Variants in FHIP2B observed in about 807,000 individuals in gnomAD.
The protein encoded by FHIP2B is FHF complex subunit HOOK interacting protein 2B, also known as FHF complex subunit HOOK-interacting protein 2B.
Under a neutral mutation model 84.0 loss-of-function variants are expected in FHIP2B, and 72 were observed. That is an observed-to-expected ratio of 0.86 (90% CI 0.71 to 1.04). The LOEUF (loss-of-function observed/expected upper bound fraction) is 1.04. FHIP2B is among the 50% of genes least tolerant of loss of function. FHIP2B has a pLI of 0.00. For missense variants in FHIP2B, 972 were observed against 968.9 expected, an observed-to-expected ratio of 1.00 and a Z score of -0.04; for synonymous variants, 497 against 418.7, an observed-to-expected ratio of 1.19 and a Z score of -2.28.
chr8:22,090,104 C>G lies in FHIP2B; in HGVS notation c.45+806C>G, dbSNP rs1203742808. Among the ~76,000 whole-genome samples, 5 of 126,970 alleles carry G rather than the reference C, an allele frequency of 3.9e-5. No individual in the cohort carries two copies. The East Asian group carries it at 9.0e-4, about 23-fold the overall frequency. The allele number at this position is 126,970 out of a possible 152,430, so 83.3% of individuals were successfully genotyped here. ...AGGCAGCCTACTACTAGGGTTCGTT[C>G]AGCAAGATGTAGCGCTGTGTAGGAA... On this transcript the variant is annotated intron_variant, in intron 1 of 16. Coordinates refer to ENST00000289921, the MANE Select transcript of FHIP2B (RefSeq NM_022749.7).
Position 22,097,799 on chromosome 8 carries a change from A to C in FHIP2B, c.485A>C (p.Lys162Thr), listed in dbSNP as rs1289229439. Reference sequence around the variant, plus strand: ...CAGTTCACCACCGTCCTCTGCTCCAAGATCCAGCAGGACCCAGAGCTGCTC... The same window carrying C: ...CAGTTCACCACCGTCCTCTGCTCCACGATCCAGCAGGACCCAGAGCTGCTC... ...EVQFTTVLCS[K>T]IQQDPELLAY... Residue 162 changes from lysine (K) to threonine (T), a missense_variant, in exon 5 of 17, where the codon AAG (lysine) becomes ACG (threonine). Physicochemically the swap from Lys to Thr is moderately conservative, Grantham distance 78. Transcript: ENST00000289921. 1 of 1,613,558 alleles carries C rather than the reference A, an allele frequency of 6.2e-7. No individual in the cohort carries two copies. The highest frequency in any genetic ancestry group is 8.5e-7 in the Non-Finnish European group (1 of 1,179,826).
chr8:22,096,377 G>A lies in FHIP2B; in HGVS notation c.165G>A (p.Arg55=). The change falls in exon 3 of 17, where the codon CGG becomes CGA. Residue 55 remains arginine (R), a synonymous_variant. Coordinates refer to ENST00000289921, the MANE Select transcript of FHIP2B (RefSeq NM_022749.7). ...CCAAGAAGACAGACATTCCCTGGCG[G>A]CTGAAGCAGATGCTGGATATCCTGG... ...TPAKKTDIPW[R]LKQMLDILVY... 1.3e-6 allele frequency: 2 copies of A among 1,559,928 alleles called. No individual in the cohort carries two copies. Among genetic ancestry groups the A allele is most frequent in the Non-Finnish European group, 1.7e-6 (2 of 1,152,014 alleles).
rs1339343666 is a variant in FHIP2B, at chr8:22,096,388, T to C, written c.176T>C (p.Met59Thr). ...GACATTCCCTGGCGGCTGAAGCAGA[T>C]GCTGGATATCCTGGTGTATGAAGAG... Reference protein sequence around the residue: ...KTDIPWRLKQMLDILVYEEQQ... With the variant: ...KTDIPWRLKQTLDILVYEEQQ... Residue 59 changes from methionine to threonine, a missense_variant, in exon 3 of 17, where the codon ATG becomes ACG. Physicochemically the swap from Met to Thr is moderately conservative, Grantham distance 81. Transcript: ENST00000289921. 1 of 1,559,144 alleles carries C rather than the reference T, an allele frequency of 6.4e-7. No homozygotes were observed.
At position 22,100,973 on chromosome 8, in the gene FHIP2B, G is replaced by T; in HGVS notation, c.1616+1G>T. 1 of 1,613,666 alleles carries T rather than the reference G, an allele frequency of 6.2e-7. No individual in the cohort carries two copies. The highest frequency in any genetic ancestry group is 8.5e-7 in the Non-Finnish European group (1 of 1,179,810). Reference sequence around the variant, plus strand: ...CAGCAGTGACCGAGATCGTCAACAGGTGGGGAGCAAGTTAGGCAGTCTGAA... The same window carrying T: ...CAGCAGTGACCGAGATCGTCAACAGTTGGGGAGCAAGTTAGGCAGTCTGAA... On this transcript the variant is annotated splice_donor_variant, in intron 12 of 16. Coordinates refer to ENST00000289921, the MANE Select transcript of FHIP2B (RefSeq NM_022749.7). LOFTEE classifies it high-confidence loss of function.
intron 2 of FHIP2B, chr8:22,095,974 C>T (rs1825745226): frequency 5.8e-6 from 1 of 173,224 alleles, no homozygotes; most frequent in South Asian, 1.9e-4. Flanking sequence ...GACAAGAGCC[C>T]TGAGCCCACA....
At chr8:22,101,413 G>T (rs375834526) in intron 12 of FHIP2B, 27 bp from the exon 13 acceptor site, 5 of 1,567,006 alleles carry the variant, frequency 3.2e-6, no homozygotes, top group Middle Eastern at 3.4e-4. Flanking sequence ...AGCCGGGAGC[G>T]CCTCCACACC....
intron 1 of FHIP2B, among the ~76,000 whole-genome samples, chr8:22,090,462 G>C (rs1003275625): frequency 2.0e-5 from 3 of 152,054 alleles, no homozygotes; most frequent in Non-Finnish European, 2.9e-5. Context: ...AGGTAGAGAG[G>C]GTTCCAAAAT....
chr8:22,094,839 A>G (rs1166486780), intron 2 of FHIP2B: 1 of 1,191,346 alleles, frequency 8.4e-7, no homozygotes, highest in Admixed American at 4.7e-5. Context: ...CCAGCTCCAG[A>G]CCTTCAGGCC....
intron 8 of FHIP2B, 51 bp from the exon 9 acceptor site, chr8:22,099,233 C>T (rs1179722342): frequency 6.2e-7 from 1 of 1,600,664 alleles, no homozygotes; most frequent in Non-Finnish European, 8.5e-7. Flanking sequence ...GGTTATTTCT[C>T]AGCTGGAATT....
In FHIP2B at chr8:22,089,669, C is replaced by A. The variant is rs1033147822; in HGVS notation, c.45+371C>A. On this transcript the variant is annotated intron_variant, in intron 1 of 16. Coordinates refer to ENST00000289921, the MANE Select transcript of FHIP2B (RefSeq NM_022749.7). Reference sequence around the variant, plus strand: ...GGCCCTAGGCCGCCTCCCCCCAGTCCCGGTGGGCCTGCCTCCTTCCTCCGC... The same window carrying A: ...GGCCCTAGGCCGCCTCCCCCCAGTCACGGTGGGCCTGCCTCCTTCCTCCGC... 1.4e-4 allele frequency: 117 copies of A among 845,106 alleles called. No individual in the cohort carries two copies. The Middle Eastern group carries it at 2.3e-3, about 17-fold the overall frequency. 52.4% of individuals were successfully genotyped at this position (845,106 alleles called of 1,614,324 possible).
At chr8:22,089,388 G>A in intron 1 of FHIP2B, 90 bp downstream of exon 1, 1 of 794,234 alleles carries the variant, frequency 1.3e-6, no homozygotes. Context: ...CCCGCAGGAG[G>A]GCGGGCGGGC....
In FHIP2B at chr8:22,102,595, G is replaced by A. The variant is rs748223061; in HGVS notation, c.2060G>A (p.Arg687His). 25 of 1,563,608 alleles carry A rather than the reference G, an allele frequency of 1.6e-5. No individual in the cohort carries two copies. Among genetic ancestry groups the A allele is most frequent in the South Asian group, 9.4e-5 (8 of 84,916 alleles). Residue 687 changes from arginine to histidine, a missense_variant, in exon 16 of 17, where the codon CGC becomes CAC. By Grantham distance (29) the Arg-to-His change is conservative. Coordinates refer to ENST00000289921, the MANE Select transcript of FHIP2B (RefSeq NM_022749.7). ...TTCCCAGGCAAGCTGCTCCTGGTGC[G>A]CAAGCAGTTGACGGGCCAGGCTCCT... Reference protein sequence around the residue: ...PQFPGKLLLVRKQLTGQAPGE... With the variant: ...PQFPGKLLLVHKQLTGQAPGE...
Position 22,089,200 on chromosome 8 carries a change from C to G in FHIP2B, c.-54C>G, listed in dbSNP as rs1825322898. On this transcript the variant is annotated 5_prime_UTR_variant, in exon 1 of 17. Transcript: ENST00000289921. ...CGGGGCCACGGGGCTGCCTCCTCCG[C>G]CTAGAGCGCTGCCGCCGCCGCTTTC... 9.6e-7 allele frequency: 1 copy of G among 1,045,644 alleles called. No homozygotes were observed. The highest frequency in any genetic ancestry group is 1.7e-5 in the African/African-American group (1 of 58,344). 64.8% of individuals were successfully genotyped at this position (1,045,644 alleles called of 1,614,324 possible). A position where few individuals can be genotyped will look rare whatever the true frequency, so the allele number is the denominator to read the frequency against.
Position 22,102,882 on chromosome 8 carries a change from C to T in FHIP2B, c.2183C>T (p.Pro728Leu), listed in dbSNP as rs769305209. The change falls in exon 17 of 17, where the codon CCA becomes CTA. Residue 728 changes from proline to leucine, a missense_variant. By Grantham distance (98) the Pro-to-Leu change is moderately conservative. Transcript: ENST00000289921. ...GCCATTGCCTTCGTCAAGTTTCCCC[C>T]ACATGATCCTCGCCAGAACGTCTCC... ...LAAIAFVKFPPHDPRQNVSPA... is the reference protein window; with the variant it reads ...LAAIAFVKFPLHDPRQNVSPA... 2.5e-6 allele frequency: 4 copies of T among 1,613,788 alleles called. No homozygotes were observed. Among genetic ancestry groups the T allele is most frequent in the South Asian group, 1.1e-5 (1 of 91,088 alleles).
rs1190638698 is a variant in FHIP2B, at chr8:22,102,525, T to C, written c.1993-3T>C. ...TCTGAGTCCCCTGTGATTCCCGCTG[T>C]AGGTGATCGGGGACTTGATGCAGAG... On this transcript the variant is annotated splice_region_variant and splice_polypyrimidine_tract_variant and intron_variant, in intron 15 of 16. Coordinates refer to ENST00000289921, the MANE Select transcript of FHIP2B (RefSeq NM_022749.7). 4.5e-6 allele frequency: 7 copies of C among 1,555,608 alleles called. No individual in the cohort carries two copies. The highest frequency in any genetic ancestry group is 1.9e-5 in the Admixed American group (1 of 51,336).
chr8:22,089,989 G>T, intron 1 of FHIP2B: 1 of 467,396 alleles, frequency 2.1e-6, no homozygotes, highest in Non-Finnish European at 3.6e-6. Flanking sequence ...GTGGGGCCTG[G>T]GTGGCCCTGT....
chr8:22,093,364 T>C (rs996818376), intron 1 of FHIP2B, among the ~76,000 whole-genome samples: 1 of 152,110 alleles, frequency 6.6e-6, no homozygotes, highest in Non-Finnish European at 1.5e-5. Context: ...TCAGGGAAAG[T>C]GATTGTTCTC....
intron 2 of FHIP2B, chr8:22,094,862 G>A (rs1209256638): frequency 4.4e-6 from 5 of 1,143,930 alleles, no homozygotes; most frequent in South Asian, 2.3e-5. Context: ...AGGTGCTTGT[G>A]CCTAGGATTT....
intron 3 of FHIP2B, chr8:22,096,736 C>A: frequency 3.6e-6 from 2 of 549,298 alleles, no homozygotes; most frequent in South Asian, 3.2e-5. Context: ...AGTGGCAGTT[C>A]GGGCGAGAGG....
Sources: allele counts gnomAD v4.1 joint callset (sites outside exome capture counted in the v4.1 genomes callset), GRCh38; gene constraint gnomAD v4.1.1; transcripts MANE v1.5; gene names NCBI Gene and HGNC (gene_info 2026-07-23, HGNC 2026-07-21).